PIAS1: variants seen among roughly 807,000 people sequenced by gnomAD.
PIAS1 encodes the protein E3 SUMO-protein ligase PIAS1.
In PIAS1, 6 loss-of-function variants were observed where a neutral mutation model predicts 71.3. That is an observed-to-expected ratio of 0.08 (90% CI 0.05 to 0.17). The LOEUF (loss-of-function observed/expected upper bound fraction) is 0.17. Among genes scored for constraint, PIAS1 ranks in the 10% least tolerant of loss-of-function variants. The probability of loss-of-function intolerance (pLI) is 1.00; values close to 1 mark genes in which losing one functional copy is unlikely to be tolerated. For missense variants in PIAS1, 555 were observed against 793.6 expected (o/e 0.70, Z 3.61); for synonymous variants, 303 against 292.9 (o/e 1.03, Z -0.35).
At chr15:68,140,871 T>G (rs534907045) in intron 2 of PIAS1, among the ~76,000 whole-genome samples, 1 of 152,192 alleles carries the variant, frequency 6.6e-6, no homozygotes, top group African/African-American at 2.4e-5. Context: ...TCTAGAAAAT[T>G]ACCCTGGAAA....
intron 7 of PIAS1, among the ~76,000 whole-genome samples, chr15:68,163,708 C>A (rs530679550): frequency 7.7e-4 from 117 of 152,144 alleles, no homozygotes; most frequent in Non-Finnish European, 1.1e-3. Flanking sequence ...GAGTACTTCT[C>A]CCTCTCTTCG....
chr15:68,142,629 G>GC (rs1471065668), intron 4 of PIAS1, among the ~76,000 whole-genome samples: 2 of 28,104 alleles, frequency 7.1e-5, no homozygotes, highest in African/African-American at 1.4e-4. Context: ...TCCCCTGCCC[G>GC]CCCACCCCCC....
At chr15:68,164,960 T>A (rs534369062) in intron 8 of PIAS1, among the ~76,000 whole-genome samples, 156 bp downstream of exon 8, 1 of 152,314 alleles carries the variant, frequency 6.6e-6, no homozygotes, top group Non-Finnish European at 1.5e-5. Flanking sequence ...GGCATTGCAT[T>A]TGGAATCTAA....
intron 1 of PIAS1, among the ~76,000 whole-genome samples, chr15:68,081,805 C>T (rs1316468635): frequency 1.3e-5 from 2 of 151,332 alleles, no homozygotes; most frequent in Admixed American, 1.3e-4. Flanking sequence ...AAAGAGAACA[C>T]AAAGACATGG....
At chr15:68,154,209 T>A (rs1298514839) in intron 7 of PIAS1, among the ~76,000 whole-genome samples, 1 of 152,210 alleles carries the variant, frequency 6.6e-6, no homozygotes, top group Non-Finnish European at 1.5e-5. Flanking sequence ...TTCTAATGCT[T>A]CTGCGAAGTC....
intron 7 of PIAS1, among the ~76,000 whole-genome samples, chr15:68,155,256 G>A (rs2092879344): frequency 6.6e-6 from 1 of 152,026 alleles, no homozygotes; most frequent in East Asian, 1.9e-4. Flanking sequence ...TAATTCAAAA[G>A]CTATTTCTAG....
At chr15:68,090,927 G>GGAGTGT (rs71455575) in intron 2 of PIAS1, among the ~76,000 whole-genome samples, 100 of 142,856 alleles carry the variant, frequency 7.0e-4, no homozygotes, top group African/African-American at 2.5e-3. Context: ...GTCATTTACG[G>GGAGTGT]GTGTGTGTGT....
At chr15:68,165,290 T>G (rs1163456443) in intron 8 of PIAS1, among the ~76,000 whole-genome samples, 1 of 152,054 alleles carries the variant, frequency 6.6e-6, no homozygotes, top group Non-Finnish European at 1.5e-5. Context: ...CCTGGCTAAT[T>G]TTGTATTTTT....
chr15:68,114,013 G>T (rs952144049), intron 2 of PIAS1, among the ~76,000 whole-genome samples: 7 of 138,658 alleles, frequency 5.0e-5, no homozygotes, highest in African/African-American at 1.8e-4. Context: ...TCTAGCAAAC[G>T]ACTGCATATA....
intron 7 of PIAS1, among the ~76,000 whole-genome samples, chr15:68,156,330 TTATAAG>T (rs1489374560): frequency 6.6e-6 from 1 of 151,986 alleles, no homozygotes; most frequent in East Asian, 1.9e-4. Context: ...TAAGGCAAGA[TTATAAG>T]TATGAGGAGA....
chr15:68,088,703 A>T (rs964418287), intron 2 of PIAS1, among the ~76,000 whole-genome samples: 1 of 152,286 alleles, frequency 6.6e-6, no homozygotes, highest in African/African-American at 2.4e-5. Context: ...AAAAATATTT[A>T]TTGAAAAAAG....
intron 2 of PIAS1, among the ~76,000 whole-genome samples, chr15:68,136,279 G>A (rs1473228350): frequency 1.8e-5 from 1 of 55,526 alleles, no homozygotes; most frequent in African/African-American, 3.9e-5. Flanking sequence ...GTAGCGAGCC[G>A]AGGTCACGCC....
chr15:68,157,482 C>T (rs1231934838), intron 7 of PIAS1, among the ~76,000 whole-genome samples: 2 of 152,098 alleles, frequency 1.3e-5, no homozygotes, highest in Non-Finnish European at 2.9e-5. Context: ...GGTCTTTAAC[C>T]CTCTATCATT....
Position 68,188,867 on chromosome 15 carries a change from C to T in PIAS1, c.*1032C>T, listed in dbSNP as rs186495876. On this transcript the variant is annotated 3_prime_UTR_variant, in exon 14 of 14. Transcript: ENST00000249636. ...AGAAAGCTCTGTCAGGTGTTTTGTG[C>T]AGCTGACAGAGGTAATGTTACATCA... 69 of 152,220 alleles carry T rather than the reference C, an allele frequency of 4.5e-4. 1 individual carries two copies. The highest frequency in any genetic ancestry group is 4.6e-4 in the Admixed American group (7 of 15,288). 9.4% of individuals were successfully genotyped at this position (152,220 alleles called of 1,614,324 possible).
chr15:68,111,624 A>G (rs1340078784), intron 2 of PIAS1, among the ~76,000 whole-genome samples: 1 of 152,190 alleles, frequency 6.6e-6, no homozygotes, highest in Non-Finnish European at 1.5e-5. Context: ...ATGAAATAGT[A>G]TCAGAGGAAA....
intron 2 of PIAS1, among the ~76,000 whole-genome samples, chr15:68,101,034 G>C (rs2092420141): frequency 6.6e-6 from 1 of 151,760 alleles, no homozygotes; most frequent in Non-Finnish European, 1.5e-5. Flanking sequence ...AGGTAGTCAG[G>C]ACTACAGGCA....
chr15:68,132,958 TATCC>T lies in PIAS1; in HGVS notation c.470-8987_470-8984del, dbSNP rs2092697785. Among the ~76,000 whole-genome samples the T allele has an allele frequency of 2.0e-5, 3 of 151,942 alleles. No homozygotes were observed. In the South Asian group the frequency reaches 6.2e-4, roughly 31 times the overall value. On this transcript the variant is annotated intron_variant, in intron 2 of 13. Transcript: ENST00000249636. Reference sequence around the variant, plus strand: ...TAATCATTTTTAATTAATTTCAGTTTATCCTTCTGGTTTTCTTTTCTTTTCTTTT... The same window carrying T: ...TAATCATTTTTAATTAATTTCAGTTTTTCTGGTTTTCTTTTCTTTTCTTTT...
At chr15:68,143,575 A>G (rs936588739) in intron 4 of PIAS1, among the ~76,000 whole-genome samples, 1 of 152,184 alleles carries the variant, frequency 6.6e-6, no homozygotes, top group East Asian at 1.9e-4. Flanking sequence ...TATAAAAGGT[A>G]TATTTTATGT....
At chr15:68,135,459 C>T (rs1433384078) in intron 2 of PIAS1, among the ~76,000 whole-genome samples, 1 of 27,566 alleles carries the variant, frequency 3.6e-5, no homozygotes, top group African/African-American at 7.8e-5. Context: ...GAGGCGCCCC[C>T]CACCCCCCGG....
Sources: allele counts gnomAD v4.1 joint callset (sites outside exome capture counted in the v4.1 genomes callset), GRCh38; gene constraint gnomAD v4.1.1; transcripts MANE v1.5; gene names NCBI Gene and HGNC (gene_info 2026-07-23, HGNC 2026-07-21).